Variants in KPNA4 observed in about 807,000 individuals in gnomAD.
KPNA4 encodes the protein importin subunit alpha-3.
In KPNA4, 13 loss-of-function variants were observed where a neutral mutation model predicts 71.3. The observed-to-expected ratio is 0.18, with a 90% CI of 0.12 to 0.29. The LOEUF is 0.29. KPNA4 is among the 10% of genes least tolerant of loss of function. The probability of loss-of-function intolerance (pLI) is 1.00; values close to 1 mark genes in which losing one functional copy is unlikely to be tolerated. For missense variants in KPNA4, 334 were observed against 603.2 expected (o/e 0.55, Z 4.67); for synonymous variants, 189 against 195.2 (o/e 0.97, Z 0.26).
rs1157520840 is a variant in KPNA4, at chr3:160,501,284, AAAAAG to A, written c.*815_*819del. 3.9e-5 allele frequency: 6 copies of A among 152,256 alleles called. No individual in the cohort carries two copies. The highest frequency in any genetic ancestry group is 6.6e-5 in the Admixed American group (1 of 15,190). 9.4% of individuals were successfully genotyped at this position (152,256 alleles called of 1,614,324 possible). On this transcript the variant is annotated 3_prime_UTR_variant, in exon 17 of 17. Coordinates refer to ENST00000334256, the MANE Select transcript of KPNA4 (RefSeq NM_002268.5). ...TAGGTAAAGTAAATAAAAACTAAAA[AAAAAG>A]AAAAGAAAAGCAAAAAAGAAAAAAA...
At chr3:160,528,301 AT>A (rs1721500874) in intron 7 of KPNA4, among the ~76,000 whole-genome samples, 1 of 152,162 alleles carries the variant, frequency 6.6e-6, no homozygotes, top group Non-Finnish European at 1.5e-5. Flanking sequence ...CCTGGAATTA[AT>A]TTCAAGATTA....
rs115406580 is a variant in KPNA4 at position 160,513,957 on chromosome 3, A to C, written c.1137+120T>G. The C allele has an allele frequency of 1.6e-3, 743 of 459,864 alleles. 6 individuals carry two copies. Among genetic ancestry groups the C allele is most frequent in the African/African-American group, 0.015 (706 of 47,344 alleles). The allele number at this position is 459,864 out of a possible 1,614,324, so 28.5% of individuals were successfully genotyped here. On this transcript the variant is annotated intron_variant, in intron 13 of 16. Transcript: ENST00000334256. ...GTCGTAATGTTAATATTACTTTACT[A>C]TATTTATGCCACTGTATGGCTTCTA...
chr3:160,515,385 A>C, intron 12 of KPNA4, 67 bp downstream of exon 12: 1 of 1,364,928 alleles, frequency 7.3e-7, no homozygotes, highest in Non-Finnish European at 1.0e-6. Context: ...CTAAGACTCT[A>C]ATTTTACAAA....
In KPNA4 at chr3:160,521,823, G is replaced by T; in HGVS notation, c.859C>A (p.Pro287Thr). The change falls in exon 11 of 17, where the codon CCT (proline) becomes ACT (threonine). Residue 287 changes from proline (P) to threonine (T), a missense_variant. Transcript: ENST00000334256. ...TGGCTGAGCAGAGGAACCAAATGAG[G>T]AACTATTCCAGAGTCTATTACCATC... ...IQMVIDSGIV[P>T]HLVPLLSHQE... 6.2e-7 allele frequency: 1 copy of T among 1,612,614 alleles called. No homozygotes were observed. The highest frequency in any genetic ancestry group is 8.5e-7 in the Non-Finnish European group (1 of 1,179,864).
At chr3:160,556,433 T>C (rs1722138619) in intron 1 of KPNA4, among the ~76,000 whole-genome samples, 1 of 152,240 alleles carries the variant, frequency 6.6e-6, no homozygotes, top group Non-Finnish European at 1.5e-5. Context: ...TGGTATCTCA[T>C]CATGCTTTAG....
At chr3:160,541,736 A>G (rs1326962481) in intron 1 of KPNA4, among the ~76,000 whole-genome samples, 1 of 151,572 alleles carries the variant, frequency 6.6e-6, no homozygotes, top group East Asian at 1.9e-4. Context: ...GACTCCTGGA[A>G]AGCATTCATT....
At chr3:160,531,418 G>T (rs1160699277) in intron 6 of KPNA4, 44 bp downstream of exon 6, 1 of 977,536 alleles carries the variant, frequency 1.0e-6, no homozygotes, top group Non-Finnish European at 1.5e-6. Flanking sequence ...TTCTCCAAAG[G>T]ATACATTCTA....
At chr3:160,507,116 T>C (rs967530372) in intron 15 of KPNA4, among the ~76,000 whole-genome samples, 1 of 152,198 alleles carries the variant, frequency 6.6e-6, no homozygotes, top group Non-Finnish European at 1.5e-5. Flanking sequence ...ATATGTATTG[T>C]TTACATTCCA....
In KPNA4 at chr3:160,529,235, C is replaced by CATTT. The variant is rs1220344191; in HGVS notation, c.470-1200_470-1197dup. On this transcript the variant is annotated intron_variant, in intron 7 of 16. Transcript: ENST00000334256. ...TGGCATGAGCCACCATGCCCAACCT[C>CATTT]ATTTATTTATTTATTTATTATTTTT... Among the ~76,000 whole-genome samples, 102 of 152,140 alleles carry CATTT rather than the reference C, an allele frequency of 6.7e-4. 1 individual carries two copies. The highest frequency in any genetic ancestry group is 3.4e-3 in the Middle Eastern group (1 of 294).
Position 160,535,983 on chromosome 3 carries a change from C to G in KPNA4, c.115-86G>C, listed in dbSNP as rs189410939. 5 of 1,000,636 alleles carry G rather than the reference C, an allele frequency of 5.0e-6. No individual in the cohort carries two copies. The African/African-American group carries it at 6.8e-5, about 14-fold the overall frequency. 62.0% of individuals were successfully genotyped at this position (1,000,636 alleles called of 1,614,324 possible). ...TGAATACTTTCATACAAAGCTCAGG[C>G]AATCCTGTGCCTAAAAACTGAAATA... On this transcript the variant is annotated intron_variant, in intron 2 of 16. Transcript: ENST00000334256.
chr3:160,514,476 T>C (rs574681554), intron 12 of KPNA4, among the ~76,000 whole-genome samples: 8 of 152,222 alleles, frequency 5.3e-5, no homozygotes, highest in Admixed American at 4.6e-4. Flanking sequence ...AATGAGCAAA[T>C]ATGAAATAAT....
chr3:160,565,380 G>C lies in KPNA4; in HGVS notation c.-98C>G. The C allele has an allele frequency of 1.0e-6, 1 of 994,968 alleles. No homozygotes were observed. The highest frequency in any genetic ancestry group is 1.5e-6 in the Non-Finnish European group (1 of 660,480). 61.6% of individuals were successfully genotyped at this position (994,968 alleles called of 1,614,324 possible). ...TCCCAGGAACCGGGCCGCCGCCTGAGCTGCTGTGCCCGCCGCGCCGCCGCT... is the reference window on the plus strand; with the variant it reads ...TCCCAGGAACCGGGCCGCCGCCTGACCTGCTGTGCCCGCCGCGCCGCCGCT... On this transcript the variant is annotated 5_prime_UTR_variant, in exon 1 of 17. Transcript: ENST00000334256.
At chr3:160,526,192 G>C in intron 8 of KPNA4, 85 bp from the exon 9 acceptor site, 1 of 964,000 alleles carries the variant, frequency 1.0e-6, no homozygotes, top group Non-Finnish European at 1.5e-6. Flanking sequence ...GGAATATGCT[G>C]CTTCATGTAT....
chr3:160,540,608 G>A (rs530926027), intron 1 of KPNA4, among the ~76,000 whole-genome samples: 156 of 152,164 alleles, frequency 1.0e-3, no homozygotes, highest in Non-Finnish European at 1.3e-3. Context: ...GTTGTTCTTC[G>A]GGACCCCATG....
intron 1 of KPNA4, among the ~76,000 whole-genome samples, chr3:160,561,644 C>T (rs750323675): frequency 4.6e-5 from 7 of 152,032 alleles, no homozygotes; most frequent in Admixed American, 2.0e-4. Context: ...AACTCTAACA[C>T]TCAGAAATTA....
intron 12 of KPNA4, chr3:160,515,142 A>T (rs749627346): frequency 3.8e-6 from 2 of 523,492 alleles, no homozygotes; most frequent in Non-Finnish European, 7.6e-6. Context: ...AGTACCTATA[A>T]AACACTAAAC....
intron 1 of KPNA4, among the ~76,000 whole-genome samples, chr3:160,541,647 GCGCACACACA>G (rs1245063776): frequency 9.0e-5 from 10 of 111,402 alleles, no homozygotes; most frequent in Non-Finnish European, 1.3e-4. Flanking sequence ...AGTTATATAC[GCGCACACACA>G]CACACACACA....
rs1370803669 is a variant in KPNA4 at position 160,501,826 on chromosome 3, A to C, written c.*278T>G. On this transcript the variant is annotated 3_prime_UTR_variant, in exon 17 of 17. Transcript: ENST00000334256. ...GTGACCTGTAGCCCTTTTTACTTTG[A>C]ACAACCTAAATAAGCATTCATGTAA... 6.2e-6 allele frequency: 1 copy of C among 161,918 alleles called. No homozygotes were observed. The highest frequency in any genetic ancestry group is 2.4e-5 in the African/African-American group (1 of 41,690). 10.0% of individuals were successfully genotyped at this position (161,918 alleles called of 1,614,324 possible).
intron 11 of KPNA4, among the ~76,000 whole-genome samples, chr3:160,518,382 G>A (rs1418680278): frequency 9.3e-5 from 14 of 150,460 alleles, no homozygotes; most frequent in South Asian, 2.1e-4. Flanking sequence ...TGATCCGCCC[G>A]CCTCGGCCTC....
Sources: gnomAD v4.1 joint callset for allele counts (sites outside exome capture counted in the v4.1 genomes callset) on GRCh38, gnomAD v4.1.1 for gene constraint, MANE v1.5 for transcripts, NCBI Gene and HGNC (gene_info 2026-07-23, HGNC 2026-07-21) for gene names.